TMEM164: variants seen among roughly 807,000 people sequenced by gnomAD.
The protein encoded by TMEM164 is RP13-360B22.2.
Under a neutral mutation model 18.8 loss-of-function variants are expected in TMEM164, and 4 were observed. The ratio of observed to expected loss-of-function variants is 0.21; its 90% CI spans 0.10 to 0.49. The LOEUF (loss-of-function observed/expected upper bound fraction) is 0.49. TMEM164 is among the 20% of genes least tolerant of loss of function. TMEM164 has a pLI of 0.98. For synonymous variants in TMEM164, 86 were observed against 101.7 expected (o/e 0.85, Z 0.93); for missense variants, 108 against 239.9 (o/e 0.45, Z 3.63).
At chrX:110,133,596 T>G (rs1178274933) in intron 4 of TMEM164, among the ~76,000 whole-genome samples, 1 of 111,986 alleles carries the variant, frequency 8.9e-6, no homozygotes, top group African/African-American at 3.3e-5. Context: ...ATTCAATGCA[T>G]GAATTTGGGG....
At chrX:110,004,658 C>T (rs967742045) in intron 2 of TMEM164, among the ~76,000 whole-genome samples, 4 of 112,369 alleles carry the variant, frequency 3.6e-5, no homozygotes, top group Non-Finnish European at 7.5e-5. Flanking sequence ...CTCTTAATGA[C>T]TCTTTCATTT....
At chrX:110,049,616 T>C (rs745948905) in intron 2 of TMEM164, among the ~76,000 whole-genome samples, 1 of 111,518 alleles carries the variant, frequency 9.0e-6, no homozygotes. Flanking sequence ...CATAGATTGG[T>C]ACCATTCTGT....
chrX:110,025,022 G>A (rs1209273718), intron 2 of TMEM164, among the ~76,000 whole-genome samples: 1 of 100,509 alleles, frequency 9.9e-6, no homozygotes, highest in African/African-American at 3.7e-5. Flanking sequence ...GTGTGTGTTG[G>A]CATATGTGTT....
rs537772638 is a variant in TMEM164 at position 110,027,483 on chromosome X, C to T, written c.390+23319C>T. ...TCTTAAACACTGTGAGTGGGCTGGG[C>T]GCAGTGGCTCACATGCCTGTAATCC... On this transcript the variant is annotated intron_variant, in intron 2 of 6. Transcript: ENST00000372068. Among the ~76,000 whole-genome samples, 248 of 111,606 alleles carry T rather than the reference C, an allele frequency of 2.2e-3. 6 individuals carry two copies. In the South Asian group the frequency reaches 0.087, roughly 39 times the overall value.
chrX:110,007,690 A>G (rs1346425065), intron 2 of TMEM164, among the ~76,000 whole-genome samples: 1 of 112,306 alleles, frequency 8.9e-6, no homozygotes, highest in Non-Finnish European at 1.9e-5. Flanking sequence ...TTCTCAGCAG[A>G]AGGGTTAAAA....
chrX:110,102,631 CTTA>C lies in TMEM164; in HGVS notation c.441-6444_441-6442del, dbSNP rs1214081597. On this transcript the variant is annotated intron_variant, in intron 3 of 6. Transcript: ENST00000372068. ...TAATACAGCCACTGTATATTGAGTGCTTATTATATTCTAGGCACTACATTGATC... is the reference window on the plus strand; with the variant it reads ...TAATACAGCCACTGTATATTGAGTGCTTATATTCTAGGCACTACATTGATC... Among the ~76,000 whole-genome samples the C allele has an allele frequency of 2.7e-5, 3 of 111,914 alleles. No individual in the cohort carries two copies. In the South Asian group the frequency reaches 1.1e-3, roughly 41 times the overall value.
intron 5 of TMEM164, among the ~76,000 whole-genome samples, chrX:110,156,913 G>A (rs191062193): frequency 8.9e-6 from 1 of 111,906 alleles, no homozygotes; most frequent in East Asian, 2.8e-4. Context: ...AATCTGAGGA[G>A]AGGAACATAA....
intron 3 of TMEM164, among the ~76,000 whole-genome samples, chrX:110,094,934 A>T (rs1018620848): frequency 1.8e-5 from 2 of 111,520 alleles, no homozygotes; most frequent in African/African-American, 3.3e-5. Context: ...TCCTTCACTT[A>T]TGAAGCTTAG....
chrX:110,062,750 G>A (rs1344059226), intron 2 of TMEM164, among the ~76,000 whole-genome samples: 2 of 111,733 alleles, frequency 1.8e-5, no homozygotes, highest in Admixed American at 9.6e-5. Flanking sequence ...TTGACATAAC[G>A]CGCAAGGCTG....
intron 5 of TMEM164, among the ~76,000 whole-genome samples, chrX:110,145,458 C>G (rs1242735885): frequency 2.7e-5 from 3 of 111,407 alleles, no homozygotes; most frequent in Non-Finnish European, 5.7e-5. Context: ...CTATTTGTAA[C>G]CTCTCAGTGA....
rs569624037 is a variant in TMEM164, at chrX:110,065,898, C to T, written c.391-1449C>T. Among the ~76,000 whole-genome samples the T allele has an allele frequency of 2.3e-3, 256 of 112,242 alleles. 6 individuals are homozygous for T. The South Asian group carries it at 0.091, about 40-fold the overall frequency. On this transcript the variant is annotated intron_variant, in intron 2 of 6. Transcript: ENST00000372068. ...AAGTCGTATTTTGCTGTAACATTAGCTTTGAAGAAAACAAACTTTCAGTTT... is the reference window on the plus strand; with the variant it reads ...AAGTCGTATTTTGCTGTAACATTAGTTTTGAAGAAAACAAACTTTCAGTTT...
chrX:110,151,123 TC>T (rs1277515828), intron 5 of TMEM164, among the ~76,000 whole-genome samples: 2 of 112,388 alleles, frequency 1.8e-5, no homozygotes, highest in Non-Finnish European at 3.8e-5. Flanking sequence ...TTTATTTTTT[TC>T]AGTCTGCTAT....
chrX:110,047,403 C>T (rs189960069), intron 2 of TMEM164, among the ~76,000 whole-genome samples: 1 of 112,124 alleles, frequency 8.9e-6, no homozygotes, highest in East Asian at 2.8e-4. Flanking sequence ...TGGCTTGCAT[C>T]CGTGTTTCCT....
In TMEM164 at chrX:110,003,774, C is replaced by G; in HGVS notation, c.-1C>G. On this transcript the variant is annotated 5_prime_UTR_variant, in exon 2 of 7. It adds an upstream start codon to the 5' untranslated region. Transcript: ENST00000372068. ...CTGTGGTCAAGGGGAACCACTGCAT[C>G]ATGTCCCGGTATAGCTACCAGAGTC... is the stretch of plus-strand genomic sequence containing the variant. 8.4e-7 allele frequency: 1 copy of G among 1,192,987 alleles called. No homozygotes were observed. The highest frequency in any genetic ancestry group is 1.9e-5 in the South Asian group (1 of 53,735).
At chrX:110,160,731 T>TTTTTG (rs1030806943) in intron 5 of TMEM164, among the ~76,000 whole-genome samples, 3 of 111,334 alleles carry the variant, frequency 2.7e-5, no homozygotes, top group African/African-American at 9.8e-5. Flanking sequence ...TAAGGTTGTT[T>TTTTTG]TTTTGTTTTG....
At chrX:110,090,884 C>T (rs1051293047) in intron 3 of TMEM164, among the ~76,000 whole-genome samples, 3 of 103,572 alleles carry the variant, frequency 2.9e-5, no homozygotes, top group African/African-American at 7.1e-5. Context: ...ACAGGCCCGG[C>T]GTGTGATGTT....
At chrX:110,041,305 C>A (rs781450762) in intron 2 of TMEM164, among the ~76,000 whole-genome samples, 2 of 112,037 alleles carry the variant, frequency 1.8e-5, no homozygotes, top group Non-Finnish European at 3.8e-5. Context: ...AATTCTGCCA[C>A]GTAACTTTAT....
downstream of TMEM164, chrX:110,177,798 C>T (rs766391786): frequency 8.9e-6 from 1 of 112,008 alleles, no homozygotes; most frequent in East Asian, 2.8e-4. Context: ...ACCCAGGAGT[C>T]CTGGCCTTGC....
At chrX:110,015,428 T>C (rs1412333252) in intron 2 of TMEM164, among the ~76,000 whole-genome samples, 1 of 112,111 alleles carries the variant, frequency 8.9e-6, no homozygotes, top group Non-Finnish European at 1.9e-5. Context: ...AAATTAGTTA[T>C]GAAAGTTCAC....
Sources: gnomAD v4.1 joint callset for allele counts (sites outside exome capture counted in the v4.1 genomes callset) on GRCh38, gnomAD v4.1.1 for gene constraint, MANE v1.5 for transcripts, NCBI Gene and HGNC (gene_info 2026-07-23, HGNC 2026-07-21) for gene names.